Variants in ARB2A observed in about 807,000 individuals in gnomAD.
ARB2A encodes the protein cotranscriptional regulator ARB2A.
chr5:94,037,394 A>G, the ARB2A span, among the ~76,000 whole-genome samples: 1 of 152,150 alleles, frequency 6.6e-6, no homozygotes, highest in African/African-American at 2.4e-5. Flanking sequence ...GATGTCAGTA[A>G]TAATAAGTAG....
the ARB2A span, among the ~76,000 whole-genome samples, chr5:94,111,350 G>C: frequency 6.6e-6 from 1 of 152,176 alleles, no homozygotes; most frequent in African/African-American, 2.4e-5. Flanking sequence ...CGGAGGCCCA[G>C]ACACAAGTCA....
the ARB2A span, among the ~76,000 whole-genome samples, chr5:93,900,513 A>G: frequency 6.6e-6 from 1 of 150,766 alleles, no homozygotes; most frequent in East Asian, 2.0e-4. Flanking sequence ...CAGGAGGCTG[A>G]GGCTTAAAGA....
At chr5:93,949,334 G>A in the ARB2A span, among the ~76,000 whole-genome samples, 4 of 151,738 alleles carry the variant, frequency 2.6e-5, no homozygotes, top group Non-Finnish European at 4.4e-5. Context: ...AGGCCGAGAC[G>A]GGCAGATGAC....
the ARB2A span, among the ~76,000 whole-genome samples, chr5:93,981,784 C>T: frequency 6.6e-6 from 1 of 152,014 alleles, no homozygotes; most frequent in Non-Finnish European, 1.5e-5. Flanking sequence ...TGTAAAAATA[C>T]TGCAGCTAAA....
the ARB2A span, among the ~76,000 whole-genome samples, chr5:93,955,461 T>A: frequency 6.6e-6 from 1 of 152,174 alleles, no homozygotes; most frequent in Non-Finnish European, 1.5e-5. Context: ...AATATTATAA[T>A]CAAAGTAAGT....
the ARB2A span, among the ~76,000 whole-genome samples, chr5:93,658,859 C>A: frequency 7.2e-6 from 1 of 139,478 alleles, no homozygotes; most frequent in South Asian, 2.3e-4. Context: ...GTTTCCGGTC[C>A]TATAAAAATC....
chr5:94,105,930 A>G, the ARB2A span, among the ~76,000 whole-genome samples: 1 of 152,146 alleles, frequency 6.6e-6, no homozygotes, highest in Admixed American at 6.5e-5. Flanking sequence ...GCCTAGCCAT[A>G]TGCAGAAGAT....
chr5:93,922,684 G>A, the ARB2A span, among the ~76,000 whole-genome samples: 1 of 89,364 alleles, frequency 1.1e-5, no homozygotes, highest in Non-Finnish European at 2.2e-5. Flanking sequence ...GGGAGGGAGG[G>A]AGGGAGGGAG....
chr5:93,662,509 T>TA, the ARB2A span, among the ~76,000 whole-genome samples: 1 of 152,342 alleles, frequency 6.6e-6, no homozygotes, highest in South Asian at 2.1e-4. Context: ...TGTTGATACT[T>TA]ACACTTAAAT....
chr5:94,076,180 C>G, the ARB2A span, among the ~76,000 whole-genome samples: 1 of 152,024 alleles, frequency 6.6e-6, no homozygotes, highest in Admixed American at 6.6e-5. Flanking sequence ...TACGAAATGT[C>G]GCTTCAACAT....
At chr5:94,013,788 A>G in the ARB2A span, among the ~76,000 whole-genome samples, 3 of 152,332 alleles carry the variant, frequency 2.0e-5, no homozygotes, top group South Asian at 4.2e-4. Context: ...CACAGCACTG[A>G]GATTATCACC....
chr5:93,704,734 G>A, the ARB2A span, among the ~76,000 whole-genome samples: 29 of 152,190 alleles, frequency 1.9e-4, no homozygotes, highest in Non-Finnish European at 3.7e-4. Flanking sequence ...CAATGTGTCA[G>A]TGGTACCACA....
At chr5:93,643,489 T>TTTTA in the ARB2A span, among the ~76,000 whole-genome samples, 2 of 152,100 alleles carry the variant, frequency 1.3e-5, no homozygotes, top group African/African-American at 2.4e-5. Flanking sequence ...TATGAAGACT[T>TTTTA]TTTATTTATT....
the ARB2A span, among the ~76,000 whole-genome samples, chr5:93,704,317 T>C: frequency 1.6e-4 from 24 of 152,310 alleles, no homozygotes; most frequent in East Asian, 4.4e-3. Flanking sequence ...TTGCCTGTAA[T>C]CCTAGTACTG....
chr5:93,708,481 A>G, the ARB2A span, among the ~76,000 whole-genome samples: 1 of 152,180 alleles, frequency 6.6e-6, no homozygotes, highest in Admixed American at 6.5e-5. Context: ...TGGTTTCAGG[A>G]TGAAACTGTT....
the ARB2A span, among the ~76,000 whole-genome samples, chr5:93,764,154 C>A: frequency 3.3e-5 from 5 of 152,212 alleles, no homozygotes; most frequent in African/African-American, 1.2e-4. Context: ...GAAGCAAGAG[C>A]AAACACATCC....
At chr5:93,984,726 A>T in the ARB2A span, among the ~76,000 whole-genome samples, 2 of 152,222 alleles carry the variant, frequency 1.3e-5, no homozygotes, top group Non-Finnish European at 2.9e-5. Context: ...TAAGCACCTT[A>T]TAAATAAGAA....
chr5:93,756,852 G>A, the ARB2A span, among the ~76,000 whole-genome samples: 1 of 151,994 alleles, frequency 6.6e-6, no homozygotes. Flanking sequence ...TAGTTCACCA[G>A]CAATGGATCC....
chr5:93,864,700 T>A, the ARB2A span, among the ~76,000 whole-genome samples: 1 of 152,202 alleles, frequency 6.6e-6, no homozygotes, highest in African/African-American at 2.4e-5. Flanking sequence ...AAATTCAATG[T>A]GGTTTATAAC....
Sources: gnomAD v4.1 joint callset for allele counts (sites outside exome capture counted in the v4.1 genomes callset) on GRCh38, gnomAD v4.1.1 for gene constraint, MANE v1.5 for transcripts, NCBI Gene and HGNC (gene_info 2026-07-23, HGNC 2026-07-21) for gene names.